Variants in RPH3A observed in about 807,000 individuals in gnomAD.
RPH3A encodes rabphilin-3A.
Under a neutral mutation model 102.2 loss-of-function variants are expected in RPH3A, and 48 were observed. The observed-to-expected ratio is 0.47, with a 90% confidence interval of 0.37 to 0.60. The LOEUF is 0.60. Among genes scored for constraint, RPH3A ranks in the 20% least tolerant of loss-of-function variants. The probability of loss-of-function intolerance (pLI) is 0.00; values close to 1 mark genes in which losing one functional copy is unlikely to be tolerated. For synonymous variants in RPH3A, 310 were observed against 324.3 expected (o/e 0.96, Z 0.47); for missense variants, 781 against 910.1 (o/e 0.86, Z 1.83).
intron 1 of RPH3A, among the ~76,000 whole-genome samples, chr12:112,588,148 C>G (rs2039451358): frequency 1.3e-5 from 2 of 152,040 alleles, no homozygotes; most frequent in Non-Finnish European, 2.9e-5. Context: ...TGAAGTTGCT[C>G]AATAAATATT....
At chr12:112,651,287 C>T (rs1233460442) in intron 1 of RPH3A, among the ~76,000 whole-genome samples, 1 of 151,962 alleles carries the variant, frequency 6.6e-6, no homozygotes, top group African/African-American at 2.4e-5. Context: ...GGCTTGAACC[C>T]TGGTGGAGGT....
intron 1 of RPH3A, among the ~76,000 whole-genome samples, chr12:112,591,203 A>G (rs2039475617): frequency 6.6e-6 from 1 of 152,084 alleles, no homozygotes; most frequent in Non-Finnish European, 1.5e-5. Flanking sequence ...CTCCCACCTC[A>G]GCCTCCTGAG....
intron 5 of RPH3A, among the ~76,000 whole-genome samples, chr12:112,851,968 G>A (rs1365096110): frequency 6.6e-6 from 1 of 152,148 alleles, no homozygotes; most frequent in Non-Finnish European, 1.5e-5. Flanking sequence ...AAAACTTCGT[G>A]GCTTAGAGCA....
At chr12:112,697,512 C>T (rs1019119952) in intron 1 of RPH3A, among the ~76,000 whole-genome samples, 9 of 152,122 alleles carry the variant, frequency 5.9e-5, no homozygotes, top group Admixed American at 2.0e-4. Flanking sequence ...GGTCGGAAGA[C>T]TCAATATTGT....
At chr12:112,820,186 G>A (rs1013613019) in intron 2 of RPH3A, among the ~76,000 whole-genome samples, 1 of 152,208 alleles carries the variant, frequency 6.6e-6, no homozygotes, top group African/African-American at 2.4e-5. Flanking sequence ...TGAAATCTAT[G>A]GAAGCATTTA....
At chr12:112,656,308 C>T (rs1008211038) in intron 1 of RPH3A, among the ~76,000 whole-genome samples, 8 of 152,210 alleles carry the variant, frequency 5.3e-5, no homozygotes, top group Non-Finnish European at 7.3e-5. Context: ...AATCCTTTGA[C>T]GTCATAGATA....
intron 2 of RPH3A, among the ~76,000 whole-genome samples, chr12:112,797,029 T>C (rs2041246103): frequency 6.6e-6 from 1 of 152,000 alleles, no homozygotes; most frequent in Non-Finnish European, 1.5e-5. Flanking sequence ...CAGCCTAGGG[T>C]AAGACTCTGT....
At chr12:112,758,453 C>T (rs1438066119) in intron 1 of RPH3A, among the ~76,000 whole-genome samples, 1 of 152,190 alleles carries the variant, frequency 6.6e-6, no homozygotes, top group African/African-American at 2.4e-5. Context: ...TATGTGACAT[C>T]CAGGTCCTAA....
At chr12:112,826,964 A>G (rs576920127) in intron 2 of RPH3A, among the ~76,000 whole-genome samples, 81 of 152,298 alleles carry the variant, frequency 5.3e-4, no homozygotes, top group Middle Eastern at 3.4e-3. Context: ...TTTCTCAGGT[A>G]TATACCTGAG....
At chr12:112,613,305 G>A (rs548170102) in intron 1 of RPH3A, among the ~76,000 whole-genome samples, 68 of 152,156 alleles carry the variant, frequency 4.5e-4, no homozygotes, top group African/African-American at 1.6e-3. Flanking sequence ...GGAGAGACCA[G>A]GTCGTTGCCT....
chr12:112,707,690 G>A (rs560465511), intron 1 of RPH3A, among the ~76,000 whole-genome samples: 1 of 152,262 alleles, frequency 6.6e-6, no homozygotes, highest in Non-Finnish European at 1.5e-5. Flanking sequence ...ATCCCAGAAT[G>A]TGACTAGGCC....
At chr12:112,632,658 C>T (rs950386917) in intron 1 of RPH3A, among the ~76,000 whole-genome samples, 3 of 152,236 alleles carry the variant, frequency 2.0e-5, no homozygotes, top group East Asian at 3.9e-4. Flanking sequence ...ACCACAAAGG[C>T]GTTTTTGTGT....
At chr12:112,671,797 A>G (rs1016989158) in intron 1 of RPH3A, among the ~76,000 whole-genome samples, 10 of 151,994 alleles carry the variant, frequency 6.6e-5, no homozygotes, top group African/African-American at 1.9e-4. Context: ...CTGGAGGCCA[A>G]CAGACTGGGG....
chr12:112,858,738 G>A (rs969330128), intron 5 of RPH3A, among the ~76,000 whole-genome samples: 8 of 152,194 alleles, frequency 5.3e-5, no homozygotes, highest in Non-Finnish European at 8.8e-5. Context: ...TGTTTGTCAA[G>A]TGAGTGAATA....
chr12:112,811,538 CA>C (rs144884102), intron 2 of RPH3A, among the ~76,000 whole-genome samples: 25 of 148,814 alleles, frequency 1.7e-4, no homozygotes, highest in East Asian at 6.1e-4. Flanking sequence ...ACCCCCCCCC[CA>C]AAAAAAAGAG....
intron 4 of RPH3A, among the ~76,000 whole-genome samples, chr12:112,846,347 C>G (rs2042228374): frequency 6.6e-6 from 1 of 152,188 alleles, no homozygotes; most frequent in Non-Finnish European, 1.5e-5. Context: ...GGCATCCCAT[C>G]CAAGGGCACG....
chr12:112,807,097 C>T (rs1474477410), intron 2 of RPH3A, among the ~76,000 whole-genome samples: 1 of 151,782 alleles, frequency 6.6e-6, no homozygotes, highest in South Asian at 2.1e-4. Context: ...GCGGGTGGTG[C>T]CTGCAGGACC....
At chr12:112,799,363 C>T (rs1023476600) in intron 2 of RPH3A, among the ~76,000 whole-genome samples, 3 of 152,112 alleles carry the variant, frequency 2.0e-5, no homozygotes, top group Admixed American at 1.3e-4. Flanking sequence ...ACTACAGCCT[C>T]GGTGACAGGG....
chr12:112,805,247 G>A (rs2041436887), intron 2 of RPH3A, among the ~76,000 whole-genome samples: 1 of 151,986 alleles, frequency 6.6e-6, no homozygotes, highest in African/African-American at 2.4e-5. Flanking sequence ...AAATTCAAAT[G>A]TCTGGGTGCT....
Sources: gnomAD v4.1 joint callset for allele counts (sites outside exome capture counted in the v4.1 genomes callset) on GRCh38, gnomAD v4.1.1 for gene constraint, MANE v1.5 for transcripts, NCBI Gene and HGNC (gene_info 2026-07-23, HGNC 2026-07-21) for gene names.